STPG2: variants seen among roughly 807,000 people sequenced by gnomAD.
The protein encoded by STPG2 is sperm-tail PG-rich repeat-containing protein 2.
Under a neutral mutation model 54.2 loss-of-function variants are expected in STPG2, and 56 were observed. The observed-to-expected ratio is 1.03, with a 90% CI of 0.83 to 1.29. The LOEUF is 1.29. Among genes scored for constraint, STPG2 ranks in the 50% most tolerant of loss-of-function variants. The probability of loss-of-function intolerance (pLI) is 0.00; values close to 1 mark genes in which losing one functional copy is unlikely to be tolerated. For missense variants in STPG2, 596 were observed against 544.9 expected, an observed-to-expected ratio of 1.09 and a Z score of -0.93; for synonymous variants, 200 against 181.8, an observed-to-expected ratio of 1.10 and a Z score of -0.81.
At chr4:98,111,676 G>GA (rs1243623873) in intron 3 of STPG2, among the ~76,000 whole-genome samples, 1 of 146,896 alleles carries the variant, frequency 6.8e-6, no homozygotes, top group Non-Finnish European at 1.5e-5. Context: ...CTGAGTTAAG[G>GA]AATACTCACA....
At chr4:97,934,646 T>C (rs1732681424) in intron 8 of STPG2, among the ~76,000 whole-genome samples, 1 of 152,236 alleles carries the variant, frequency 6.6e-6, no homozygotes, top group Non-Finnish European at 1.5e-5. Context: ...GTTCTGATTA[T>C]GTGATGAATT....
intron 8 of STPG2, among the ~76,000 whole-genome samples, chr4:97,863,209 T>C (rs1729626658): frequency 6.6e-6 from 1 of 151,620 alleles, no homozygotes; most frequent in Admixed American, 6.6e-5. Context: ...GCAAGACTAA[T>C]AAAGAAGAAA....
intron 5 of STPG2, among the ~76,000 whole-genome samples, chr4:97,989,918 T>G (rs1734954396): frequency 1.3e-5 from 2 of 152,224 alleles, no homozygotes; most frequent in African/African-American, 4.8e-5. Context: ...CATTTAATAT[T>G]TTCAGACTGT....
At chr4:97,470,865 A>G (rs1165550123) in intron 4 of STPG2, among the ~76,000 whole-genome samples, 1 of 152,124 alleles carries the variant, frequency 6.6e-6, no homozygotes, top group East Asian at 1.9e-4. Context: ...AAGTGAGGTG[A>G]ATGACATAGG....
At chr4:97,516,089 T>C (rs921786730) in intron 4 of STPG2, among the ~76,000 whole-genome samples, 4 of 152,136 alleles carry the variant, frequency 2.6e-5, no homozygotes, top group African/African-American at 9.7e-5. Context: ...CAGGGAAATT[T>C]CAAAGTTCCT....
chr4:97,481,029 G>C (rs1189925089), intron 4 of STPG2, among the ~76,000 whole-genome samples: 2 of 151,358 alleles, frequency 1.3e-5, no homozygotes, highest in Non-Finnish European at 3.0e-5. Context: ...TAGAGTTTTA[G>C]TACTTACATT....
chr4:97,905,086 G>T (rs1731352235), intron 8 of STPG2, among the ~76,000 whole-genome samples: 1 of 151,892 alleles, frequency 6.6e-6, no homozygotes, highest in South Asian at 2.1e-4. Flanking sequence ...CCAACATTCA[G>T]ATTCAGGAAG....
intron 3 of STPG2, among the ~76,000 whole-genome samples, chr4:98,114,857 C>T (rs767439832): frequency 6.6e-6 from 1 of 151,322 alleles, no homozygotes; most frequent in South Asian, 2.1e-4. Flanking sequence ...TTAACCTCTG[C>T]GGTACTCAGG....
intron 8 of STPG2, among the ~76,000 whole-genome samples, chr4:97,847,665 T>G (rs1380618964): frequency 6.6e-6 from 1 of 152,176 alleles, no homozygotes; most frequent in African/African-American, 2.4e-5. Context: ...TCACAAAGTT[T>G]CAATTGTGTT....
At chr4:98,041,285 T>C (rs1184088487) in intron 5 of STPG2, among the ~76,000 whole-genome samples, 1 of 151,922 alleles carries the variant, frequency 6.6e-6, no homozygotes, top group East Asian at 1.9e-4. Context: ...CAGAGATAAT[T>C]TGAAATCCTC....
intron 8 of STPG2, among the ~76,000 whole-genome samples, chr4:97,906,390 A>G (rs575304014): frequency 6.6e-5 from 10 of 152,328 alleles, no homozygotes; most frequent in Non-Finnish European, 1.5e-4. Context: ...TACCAACCAA[A>G]AAGAGTCCAG....
rs557260850 is a variant in STPG2, at chr4:97,563,051, G to A, written c.1321-3934C>T. Among the ~76,000 whole-genome samples the A allele has an allele frequency of 4.6e-5, 7 of 152,148 alleles. No homozygotes were observed. In the South Asian group the frequency reaches 8.3e-4, roughly 18 times the overall value. ...CCTCCTTGTACCTCTGGTAGAATTC[G>A]GCTGTGAATCCATCTGGTCCTGGAC... On this transcript the variant is annotated intron_variant, in intron 10 of 10. Coordinates refer to ENST00000295268, the MANE Select transcript of STPG2 (RefSeq NM_174952.3).
At chr4:98,132,516 C>G (rs1166155222) in intron 2 of STPG2, among the ~76,000 whole-genome samples, 3 of 151,948 alleles carry the variant, frequency 2.0e-5, no homozygotes, top group Non-Finnish European at 4.4e-5. Flanking sequence ...TAAAACTGAT[C>G]ATAGCTTGCT....
chr4:97,732,915 AT>A (rs1233072821), intron 9 of STPG2, among the ~76,000 whole-genome samples: 1 of 152,192 alleles, frequency 6.6e-6, no homozygotes, highest in African/African-American at 2.4e-5. Context: ...AATGGTCATT[AT>A]TAAAAAGTAA....
chr4:98,047,146 T>C (rs1039874627), intron 5 of STPG2, among the ~76,000 whole-genome samples: 3 of 152,130 alleles, frequency 2.0e-5, no homozygotes, highest in African/African-American at 4.8e-5. Flanking sequence ...CACCTCTTCG[T>C]TCTATGTGGT....
intron 8 of STPG2, among the ~76,000 whole-genome samples, chr4:97,861,370 G>A (rs1431207400): frequency 6.6e-6 from 1 of 152,104 alleles, no homozygotes; most frequent in African/African-American, 2.4e-5. Context: ...GCAGAGAAAA[G>A]GGAGCCTTTG....
chr4:97,753,109 G>A (rs1371891237), intron 9 of STPG2, among the ~76,000 whole-genome samples: 5 of 151,846 alleles, frequency 3.3e-5, no homozygotes, highest in Non-Finnish European at 7.4e-5. Flanking sequence ...TTAACCATTT[G>A]TAAATGCACA....
intron 10 of STPG2, among the ~76,000 whole-genome samples, chr4:97,598,387 T>A (rs1305744809): frequency 6.6e-6 from 1 of 151,380 alleles, no homozygotes; most frequent in Non-Finnish European, 1.5e-5. Flanking sequence ...AAAAACATTT[T>A]AAAATTCATA....
chr4:97,867,147 A>G (rs1729819347), intron 8 of STPG2, among the ~76,000 whole-genome samples: 1 of 151,992 alleles, frequency 6.6e-6, no homozygotes, highest in African/African-American at 2.4e-5. Context: ...ATATGCTGTA[A>G]TAAACTTTCT....
Sources: gnomAD v4.1 joint callset for allele counts (sites outside exome capture counted in the v4.1 genomes callset) on GRCh38, gnomAD v4.1.1 for gene constraint, MANE v1.5 for transcripts, NCBI Gene and HGNC (gene_info 2026-07-23, HGNC 2026-07-21) for gene names.